The following ITGAD variants were observed in gnomAD, a reference collection of about 807,000 sequenced individuals.
ITGAD encodes integrin alpha-D.
Under a neutral mutation model 139.0 loss-of-function variants are expected in ITGAD, and 105 were observed. The ratio of observed to expected loss-of-function variants is 0.76; its 90% CI spans 0.65 to 0.89. ITGAD has a LOEUF of 0.89. Ranked by LOEUF, ITGAD falls within the 40% of genes least tolerant of loss-of-function variation. The probability of loss-of-function intolerance (pLI) is 0.00; values close to 1 mark genes in which losing one functional copy is unlikely to be tolerated. For synonymous variants in ITGAD, 569 were observed against 598.3 expected (o/e 0.95, Z 0.71); for missense variants, 1,384 against 1,487.3 (o/e 0.93, Z 1.14).
At position 31,407,866 on chromosome 16, in the gene ITGAD, C is replaced by A; in HGVS notation, c.959C>A (p.Ala320Asp). Residue 320 changes from alanine to aspartate, a missense_variant, in exon 9 of 30, where the codon GCC becomes GAC. Ala to Asp is a moderately radical substitution (Grantham distance 126). Coordinates refer to ENST00000389202, the MANE Select transcript of ITGAD (RefSeq NM_005353.3). ...GTGTTCAAGGTGGACAACTTTGCAG[C>A]CCTTGGCAGCATCCAGAAGCAGCTG... ...DHVFKVDNFA[A>D]LGSIQKQLQE... 5.0e-6 allele frequency: 8 copies of A among 1,601,520 alleles called. No individual in the cohort carries two copies. Among genetic ancestry groups the A allele is most frequent in the Non-Finnish European group, 6.0e-6 (7 of 1,169,466 alleles).
At chr16:31,407,369 A>G in intron 7 of ITGAD, 146 bp from the exon 8 acceptor site, 1 of 796,868 alleles carries the variant, frequency 1.3e-6, no homozygotes, top group Non-Finnish European at 2.0e-6. Flanking sequence ...AGAAAACCCA[A>G]AACGGCAAAA....
At chr16:31,396,915 CTATT>C (rs1474202220) in intron 2 of ITGAD, among the ~76,000 whole-genome samples, 1 of 152,134 alleles carries the variant, frequency 6.6e-6, no homozygotes, top group Non-Finnish European at 1.5e-5. Flanking sequence ...ACAGAATCAA[CTATT>C]TGTTTTGAAA....
intron 23 of ITGAD, among the ~76,000 whole-genome samples, chr16:31,422,385 C>T (rs1429089767): frequency 6.6e-6 from 1 of 152,174 alleles, no homozygotes; most frequent in African/African-American, 2.4e-5. Flanking sequence ...CTGCCTGGAA[C>T]ACTGATGTCC....
At position 31,409,345 on chromosome 16, in the gene ITGAD, AAAC is replaced by A. The variant is rs1443608443; in HGVS notation, c.1083+850_1083+852del. On this transcript the variant is annotated intron_variant, in intron 10 of 29. Transcript: ENST00000389202. ...AAACAAAACAAAACAAAGCAAAAAAAAACAAAAACAAACCCAGATGGGTTTACT... is the reference window on the plus strand; with the variant it reads ...AAACAAAACAAAACAAAGCAAAAAAAAAAAACAAACCCAGATGGGTTTACT... Among the ~76,000 whole-genome samples the A allele has an allele frequency of 5.2e-4, 68 of 131,246 alleles. 1 individual carries two copies. The highest frequency in any genetic ancestry group is 3.6e-3 in the South Asian group (10 of 2,764). The allele number at this position is 131,246 out of a possible 152,430, so 86.1% of individuals were successfully genotyped here. A position where few individuals can be genotyped will look rare whatever the true frequency, so the allele number is the denominator to read the frequency against.
At position 31,423,918 on chromosome 16, in the gene ITGAD, T is replaced by G. The variant is rs2082058277; in HGVS notation, c.3119T>G (p.Phe1040Cys). ...PSFSVQEELD[F>C]TLKGNLSFGW... ...TTCAGCGTCCAGGAGGAGCTGGATT[T>G]CACCCTGAAGGGCAATCTCAGTTTC... Residue 1040 changes from phenylalanine (F) to cysteine (C), a missense_variant, in exon 27 of 30, where the codon TTC becomes TGC. By Grantham distance (205) the Phe-to-Cys change is radical. Coordinates refer to ENST00000389202, the MANE Select transcript of ITGAD (RefSeq NM_005353.3). 2 of 1,614,068 alleles carry G rather than the reference T, an allele frequency of 1.2e-6. No homozygotes were observed. Among genetic ancestry groups the G allele is most frequent in the Admixed American group, 3.3e-5 (2 of 60,012 alleles).
At position 31,407,658 on chromosome 16, in the gene ITGAD, A is replaced by G. The variant is rs2081573738; in HGVS notation, c.848A>G (p.Tyr283Cys). 1.2e-6 allele frequency: 2 copies of G among 1,614,006 alleles called. No individual in the cohort carries two copies. Among genetic ancestry groups the G allele is most frequent in the African/African-American group, 1.3e-5 (1 of 74,920 alleles). Residue 283 changes from tyrosine (Y) to cysteine (C), a missense_variant, in exon 8 of 30, where the codon TAC becomes TGC. By Grantham distance (194) the Tyr-to-Cys change is radical (BLOSUM62 -2). Coordinates refer to ENST00000389202, the MANE Select transcript of ITGAD (RefSeq NM_005353.3). ...GCAGAGAAGGCTGGCATCATCCGCT[A>G]CGCTATCGGGGTGCGCCTCTTCTTC... is the stretch of plus-strand genomic sequence containing the variant. ...PQAEKAGIIR[Y>C]AIGVGHAFQG...
intron 1 of ITGAD, 54 bp from the exon 2 acceptor site, chr16:31,394,182 A>T: frequency 1.9e-6 from 2 of 1,076,906 alleles, no homozygotes; most frequent in Non-Finnish European, 2.8e-6. Flanking sequence ...GGGAGGTCCT[A>T]GGGATTGGGG....
intron 5 of ITGAD, among the ~76,000 whole-genome samples, chr16:31,399,071 T>A (rs2081342075): frequency 6.6e-6 from 1 of 152,208 alleles, no homozygotes; most frequent in African/African-American, 2.4e-5. Context: ...AGTGCCCATG[T>A]CTTCCACAGA....
Position 31,423,367 on chromosome 16 carries a change from C to T in ITGAD, c.2875C>T (p.Gln959Ter), listed in dbSNP as rs780603846. The change falls in exon 25 of 30, where the codon CAG becomes TAG. Residue 959 changes from glutamine (Q) to a stop codon, truncating the protein, a stop_gained. Transcript: ENST00000389202. LOFTEE classifies it high-confidence loss of function. ...TTTCCTGCAGGTGAATAACCTCAGC[C>T]AGCGAGATCTGGCCATCAGCATTAA... ...EHRYRVNNLSQRDLAISINFW... is the reference protein window; with the variant it reads ...EHRYRVNNLS 23 of 1,613,926 alleles carry T rather than the reference C, an allele frequency of 1.4e-5. No individual in the cohort carries two copies.
At chr16:31,406,888 G>A (rs1453313996) in intron 7 of ITGAD, among the ~76,000 whole-genome samples, 2 of 152,200 alleles carry the variant, frequency 1.3e-5, no homozygotes, top group African/African-American at 4.8e-5. Context: ...CATGGAGAAA[G>A]GCAGAGGCCC....
chr16:31,397,329 G>A (rs2081289460), intron 2 of ITGAD, 30 bp from the exon 3 acceptor site: 3 of 1,482,082 alleles, frequency 2.0e-6, no homozygotes, highest in Admixed American at 1.9e-5. Flanking sequence ...TCCTGTGGCT[G>A]CAGTGACATG....
Position 31,397,916 on chromosome 16 carries a change from C to A in ITGAD, c.427+7C>A. 6.3e-7 allele frequency: 1 copy of A among 1,597,274 alleles called. No individual in the cohort carries two copies. Among genetic ancestry groups the A allele is most frequent in the Non-Finnish European group, 8.6e-7 (1 of 1,167,992 alleles). ...GTCCCCGACGCCACGCCAGGTAGGTCCCTGGCAGGCCATGGTTCCCTGTGG... is the reference window on the plus strand; with the variant it reads ...GTCCCCGACGCCACGCCAGGTAGGTACCTGGCAGGCCATGGTTCCCTGTGG... On this transcript the variant is annotated splice_region_variant and intron_variant, in intron 5 of 29. Coordinates refer to ENST00000389202, the MANE Select transcript of ITGAD (RefSeq NM_005353.3).
rs2082113286 is a variant in ITGAD, at chr16:31,426,235, A to G, written c.*107A>G. The G allele has an allele frequency of 1.8e-5, 13 of 726,502 alleles. 2 individuals are homozygous for G. In the South Asian group the frequency reaches 2.0e-4, roughly 11 times the overall value. The allele number at this position is 726,502 out of a possible 1,614,324, so 45.0% of individuals were successfully genotyped here. ...TGCATAGATCTGCACTGGCCTAAGC[A>G]ACCTACCAGGTGCTAAGCACCTTCT... On this transcript the variant is annotated 3_prime_UTR_variant, in exon 30 of 30. Transcript: ENST00000389202.
In ITGAD at chr16:31,414,730, G is replaced by C. The variant is rs1028717968; in HGVS notation, c.2151+125G>C. Reference sequence around the variant, plus strand: ...GTTGGGGCTGGAGAGAGGGACATTAGGGCAGGAGAACCTGGCTCCACGGCT... The same window carrying C: ...GTTGGGGCTGGAGAGAGGGACATTACGGCAGGAGAACCTGGCTCCACGGCT... On this transcript the variant is annotated intron_variant, in intron 17 of 29. Transcript: ENST00000389202. 7.1e-6 allele frequency: 11 copies of C among 1,549,780 alleles called. No homozygotes were observed. The East Asian group carries it at 2.0e-4, about 29-fold the overall frequency.
intron 7 of ITGAD, among the ~76,000 whole-genome samples, chr16:31,405,349 A>G (rs902489817): frequency 6.6e-6 from 1 of 152,104 alleles, no homozygotes; most frequent in East Asian, 1.9e-4. Context: ...AAGTTTTATT[A>G]CAAAAAAACA....
chr16:31,407,770 G>C lies in ITGAD; in HGVS notation c.863G>C (p.Gly288Ala). ...TCGGCTGTCTCTCTGCTGCAGGTGGGACACGCTTTCCAGGGACCCACTGCC... is the reference window on the plus strand; with the variant it reads ...TCGGCTGTCTCTCTGCTGCAGGTGGCACACGCTTTCCAGGGACCCACTGCC... ...AGIIRYAIGV[G>A]HAFQGPTARQ... Residue 288 changes from glycine to alanine, a missense_variant, in exon 9 of 30, where the codon GGA (glycine) becomes GCA (alanine). By Grantham distance (60) the Gly-to-Ala change is moderately conservative. Transcript: ENST00000389202. The C allele has an allele frequency of 6.2e-7, 1 of 1,613,948 alleles. No individual in the cohort carries two copies. Among genetic ancestry groups the C allele is most frequent in the Non-Finnish European group, 8.5e-7 (1 of 1,179,838 alleles).
chr16:31,397,462 A>C lies in ITGAD; in HGVS notation c.241A>C (p.Ile81Leu). 1 of 1,591,908 alleles carries C rather than the reference A, an allele frequency of 6.3e-7. No homozygotes were observed. Among genetic ancestry groups the C allele is most frequent in the Non-Finnish European group, 8.6e-7 (1 of 1,168,644 alleles). ...TGMCQPIPLH[I>L]RPEAVNMSLG... Reference sequence around the variant, plus strand: ...CATGTGCCAGCCCATCCCGCTGCACAGTGAGTGACCACCTGGGAATTGGGC... The same window carrying C: ...CATGTGCCAGCCCATCCCGCTGCACCGTGAGTGACCACCTGGGAATTGGGC... The change falls in exon 3 of 30, where the codon ATC (isoleucine) becomes CTC (leucine). Residue 81 changes from isoleucine (I) to leucine (L), a missense_variant and splice_region_variant. Transcript: ENST00000389202.
At position 31,413,125 on chromosome 16, in the gene ITGAD, ATTCAGCCCTGTGGAGGTGGCCAAGGC is replaced by A; in HGVS notation, c.1877_1902del (p.Phe626CysfsTer33). On this transcript the variant is annotated frameshift_variant, in exon 16 of 30. Coordinates refer to ENST00000389202, the MANE Select transcript of ITGAD (RefSeq NM_005353.3). LOFTEE classifies it high-confidence loss of function. ...TGCTGAAAGTGGGGGTGGCCATGAG[ATTCAGCCCTGTGGAGGTGGCCAAGGC>A]TGTGTACCGGTGCTGGGAAGAGAAG... 1.2e-6 allele frequency: 2 copies of A among 1,614,060 alleles called. No homozygotes were observed. The highest frequency in any genetic ancestry group is 1.7e-6 in the Non-Finnish European group (2 of 1,180,004).
Position 31,426,399 on chromosome 16 carries a change from A to AAC in ITGAD, c.*271_*272insAC. The stretch of plus-strand genomic sequence containing the variant: ...TGTCACATGAAATGAGGATGTTTAT[A>AAC]GCACACTTTCCTTGCGTGGAAGAGC... On this transcript the variant is annotated 3_prime_UTR_variant, in exon 30 of 30. Coordinates refer to ENST00000389202, the MANE Select transcript of ITGAD (RefSeq NM_005353.3). The AAC allele has an allele frequency of 2.8e-6, 1 of 360,230 alleles. No individual in the cohort carries two copies. Among genetic ancestry groups the AAC allele is most frequent in the Non-Finnish European group, 5.2e-6 (1 of 193,510 alleles). The allele number at this position is 360,230 out of a possible 1,614,324, so 22.3% of individuals were successfully genotyped here. A position where few individuals can be genotyped will look rare whatever the true frequency, so the allele number is the denominator to read the frequency against.
Sources: gnomAD v4.1 joint callset for allele counts (sites outside exome capture counted in the v4.1 genomes callset) on GRCh38, gnomAD v4.1.1 for gene constraint, MANE v1.5 for transcripts, NCBI Gene and HGNC (gene_info 2026-07-23, HGNC 2026-07-21) for gene names.